The following SOCS5 variants were observed in gnomAD, a reference collection of about 807,000 sequenced individuals.
The protein encoded by SOCS5 is CIS-6.
A neutral mutation model predicts 42.8 loss-of-function variants in SOCS5; 32 were observed. The ratio of observed to expected loss-of-function variants is 0.75; its 90% CI spans 0.56 to 1.01. The LOEUF (loss-of-function observed/expected upper bound fraction) is 1.01. SOCS5 is among the 50% of genes least tolerant of loss of function. The pLI is 0.00. For missense variants in SOCS5, 627 were observed against 653.0 expected (o/e 0.96, Z 0.43); for synonymous variants, 283 against 229.6 (o/e 1.23, Z -2.10).
chr2:46,747,603 G>A (rs1673532981), intron 1 of SOCS5, among the ~76,000 whole-genome samples: 1 of 152,142 alleles, frequency 6.6e-6, no homozygotes, highest in Non-Finnish European at 1.5e-5. Flanking sequence ...GCCCTGGGCT[G>A]TTACACTTTT....
chr2:46,739,729 T>G (rs866875113), intron 1 of SOCS5, among the ~76,000 whole-genome samples: 8 of 152,202 alleles, frequency 5.3e-5, no homozygotes, highest in South Asian at 4.1e-4. Context: ...ACCATCTATA[T>G]ATGCATCCCT....
chr2:46,702,770 G>T (rs895489571), intron 1 of SOCS5, among the ~76,000 whole-genome samples: 5 of 152,218 alleles, frequency 3.3e-5, no homozygotes, highest in African/African-American at 9.6e-5. Flanking sequence ...CTAGTGTCAT[G>T]ACCATGTGTT....
chr2:46,725,361 A>G (rs981272097), intron 1 of SOCS5, among the ~76,000 whole-genome samples: 1 of 152,096 alleles, frequency 6.6e-6, no homozygotes, highest in Non-Finnish European at 1.5e-5. Context: ...TACATTTAAT[A>G]TAATTACTGA....
At chr2:46,715,318 G>A (rs1309237143) in intron 1 of SOCS5, among the ~76,000 whole-genome samples, 1 of 149,900 alleles carries the variant, frequency 6.7e-6, no homozygotes, top group Non-Finnish European at 1.5e-5. Flanking sequence ...GCTGCAGTGA[G>A]CCTAGATCAT....
intron 1 of SOCS5, among the ~76,000 whole-genome samples, chr2:46,718,607 A>G (rs1235007016): frequency 6.6e-6 from 1 of 152,162 alleles, no homozygotes; most frequent in African/African-American, 2.4e-5. Context: ...GATATAAGGC[A>G]TTTAAGTTTA....
intron 1 of SOCS5, among the ~76,000 whole-genome samples, chr2:46,701,832 T>C: frequency 7.5e-6 from 1 of 133,666 alleles, no homozygotes; most frequent in Non-Finnish European, 1.5e-5. Context: ...AATTAATTGC[T>C]TAAAAGATTT....
chr2:46,701,336 G>C (rs561604893), intron 1 of SOCS5, among the ~76,000 whole-genome samples: 40 of 152,202 alleles, frequency 2.6e-4, no homozygotes, highest in Non-Finnish European at 1.0e-4. Context: ...AACAGAATGA[G>C]AATGGGAGGC....
rs760837901 is a variant in SOCS5 at position 46,759,340 on chromosome 2, T to C, written c.810T>C (p.Leu270=). Residue 270 remains leucine (L), a synonymous_variant, in exon 2 of 2, where the codon CTT becomes CTC. Transcript: ENST00000394861. ...EEDRLRERRR[L]SIEEGVDPPP... ...ATAGGCTTAGAGAGAGAAGGCGGCT[T>C]AGTATTGAAGAAGGGGTTGATCCCC... is the stretch of plus-strand genomic sequence containing the variant. 8 of 1,613,912 alleles carry C rather than the reference T, an allele frequency of 5.0e-6. No homozygotes were observed. The South Asian group carries it at 8.8e-5, about 18-fold the overall frequency.
intron 1 of SOCS5, among the ~76,000 whole-genome samples, chr2:46,719,321 C>G (rs552375530): frequency 2.6e-4 from 39 of 152,296 alleles, no homozygotes; most frequent in African/African-American, 8.9e-4. Flanking sequence ...AACACTTATT[C>G]TTACACTGTA....
chr2:46,739,450 G>A (rs145838582), intron 1 of SOCS5, among the ~76,000 whole-genome samples: 4 of 152,130 alleles, frequency 2.6e-5, no homozygotes, highest in Non-Finnish European at 4.4e-5. Context: ...TCTGTCTTGC[G>A]TATGCTGCTT....
At chr2:46,723,705 A>T (rs979469040) in intron 1 of SOCS5, among the ~76,000 whole-genome samples, 1 of 152,000 alleles carries the variant, frequency 6.6e-6, no homozygotes, top group Non-Finnish European at 1.5e-5. Context: ...AAACCTTATG[A>T]TTTATGATTC....
At chr2:46,734,348 C>T (rs1673195265) in intron 1 of SOCS5, among the ~76,000 whole-genome samples, 1 of 152,058 alleles carries the variant, frequency 6.6e-6, no homozygotes, top group Non-Finnish European at 1.5e-5. Context: ...TCATCAAATA[C>T]CAAGTTTCTG....
intron 1 of SOCS5, among the ~76,000 whole-genome samples, chr2:46,731,962 A>T (rs1673133401): frequency 6.6e-6 from 1 of 152,220 alleles, no homozygotes; most frequent in Non-Finnish European, 1.5e-5. Flanking sequence ...TGGTGGAAGG[A>T]CAGTTGCCTA....
intron 1 of SOCS5, among the ~76,000 whole-genome samples, chr2:46,744,140 C>G (rs1673447111): frequency 6.6e-6 from 1 of 152,046 alleles, no homozygotes; most frequent in Non-Finnish European, 1.5e-5. Context: ...CAGGCATGTA[C>G]CACCACACCT....
rs1425079757 is a variant in SOCS5 at position 46,760,329 on chromosome 2, A to G, written c.*188A>G. The G allele has an allele frequency of 1.7e-6, 1 of 589,128 alleles. No homozygotes were observed. The highest frequency in any genetic ancestry group is 3.1e-6 in the Non-Finnish European group (1 of 326,036). 36.5% of individuals were successfully genotyped at this position (589,128 alleles called of 1,614,324 possible). On this transcript the variant is annotated 3_prime_UTR_variant, in exon 2 of 2. Transcript: ENST00000394861. ...ATGGTGCCTATTGGAACAATAGCGG[A>G]TAGAGCTACAGGTGTTCAGTAAGAC...
chr2:46,717,685 G>C (rs181393269), intron 1 of SOCS5, among the ~76,000 whole-genome samples: 212 of 151,936 alleles, frequency 1.4e-3, no homozygotes, highest in African/African-American at 4.6e-3. Flanking sequence ...TTTTATCTTT[G>C]GTTTTATGCA....
At chr2:46,726,936 A>T (rs1673007136) in intron 1 of SOCS5, among the ~76,000 whole-genome samples, 1 of 151,398 alleles carries the variant, frequency 6.6e-6, no homozygotes, top group South Asian at 2.1e-4. Flanking sequence ...TTATATTTTT[A>T]TTAGAGACGG....
chr2:46,729,064 T>TA (rs1468208106), intron 1 of SOCS5, among the ~76,000 whole-genome samples: 1 of 152,250 alleles, frequency 6.6e-6, no homozygotes, highest in Non-Finnish European at 1.5e-5. Context: ...GTTATCCTGA[T>TA]ACATGCTTAA....
chr2:46,749,947 T>A (rs1014296159), intron 1 of SOCS5, among the ~76,000 whole-genome samples: 1 of 152,206 alleles, frequency 6.6e-6, no homozygotes, highest in Admixed American at 6.5e-5. Context: ...TAGATAATAC[T>A]GGTAACATTT....
Sources: gnomAD v4.1 joint callset for allele counts (sites outside exome capture counted in the v4.1 genomes callset) on GRCh38, gnomAD v4.1.1 for gene constraint, MANE v1.5 for transcripts, NCBI Gene and HGNC (gene_info 2026-07-23, HGNC 2026-07-21) for gene names.